TTC7B: variants seen among roughly 807,000 people sequenced by gnomAD.
TTC7B encodes the protein tetratricopeptide repeat protein 7B.
A neutral mutation model predicts 106.8 loss-of-function variants in TTC7B; 28 were observed. The ratio of observed to expected loss-of-function variants is 0.26; its 90% CI spans 0.19 to 0.36. The LOEUF is 0.36. Ranked by LOEUF, TTC7B falls within the 10% of genes least tolerant of loss-of-function variation. The pLI, the probability that TTC7B is intolerant of heterozygous loss-of-function variation, is 1.00. For synonymous variants in TTC7B, 405 were observed against 430.6 expected, an observed-to-expected ratio of 0.94 and a Z score of 0.74; for missense variants, 862 against 1,076.4, an observed-to-expected ratio of 0.80 and a Z score of 2.79.
intron 9 of TTC7B, 162 bp downstream of exon 9, chr14:90,676,361 C>A (rs1159210507): frequency 4.5e-6 from 3 of 672,164 alleles, no homozygotes; most frequent in Non-Finnish European, 7.5e-6. Flanking sequence ...TAGCCCAAGG[C>A]CCATTCTACA....
intron 17 of TTC7B, 52 bp from the exon 18 acceptor site, chr14:90,593,678 C>T (rs772192624): frequency 1.3e-6 from 2 of 1,497,318 alleles, no homozygotes; most frequent in Admixed American, 2.0e-5. Context: ...ACAGACCCAA[C>T]CAATCAACCC....
chr14:90,783,894 G>A (rs184617906), intron 2 of TTC7B, among the ~76,000 whole-genome samples: 75 of 152,198 alleles, frequency 4.9e-4, no homozygotes, highest in African/African-American at 1.7e-3. Context: ...CCAAGATGGT[G>A]TCTGGATGAC....
At chr14:90,642,987 C>T (rs951907164) in intron 15 of TTC7B, among the ~76,000 whole-genome samples, 19 of 152,038 alleles carry the variant, frequency 1.2e-4, no homozygotes, top group African/African-American at 4.1e-4. Flanking sequence ...TCTGCCATAT[C>T]CAAGTATATC....
intron 17 of TTC7B, among the ~76,000 whole-genome samples, chr14:90,605,978 CATGGA>C (rs762934607): frequency 7.9e-5 from 12 of 152,186 alleles, no homozygotes; most frequent in Admixed American, 6.5e-4. Flanking sequence ...GCAACAACAC[CATGGA>C]ATAAAAATAA....
intron 16 of TTC7B, among the ~76,000 whole-genome samples, chr14:90,612,057 G>A (rs1566797996): frequency 6.6e-6 from 1 of 152,190 alleles, no homozygotes; most frequent in Non-Finnish European, 1.5e-5. Flanking sequence ...GATTTGGCAT[G>A]AAACTTAATA....
intron 5 of TTC7B, among the ~76,000 whole-genome samples, chr14:90,720,377 C>T (rs1888846500): frequency 6.6e-6 from 1 of 152,184 alleles, no homozygotes; most frequent in South Asian, 2.1e-4. Context: ...GATCTGATTT[C>T]TCTCTGACAG....
intron 15 of TTC7B, among the ~76,000 whole-genome samples, chr14:90,619,677 C>T (rs1406241838): frequency 6.6e-6 from 1 of 152,176 alleles, no homozygotes; most frequent in Non-Finnish European, 1.5e-5. Context: ...GCTGTCAAGG[C>T]AGGTGGTGTC....
chr14:90,595,758 A>G (rs1260832243), intron 17 of TTC7B, among the ~76,000 whole-genome samples: 1 of 152,224 alleles, frequency 6.6e-6, no homozygotes, highest in Non-Finnish European at 1.5e-5. Flanking sequence ...TACATCCCAG[A>G]CCGACCACAT....
chr14:90,816,152 A>T, intron 1 of TTC7B, 23 bp downstream of exon 1: 1 of 1,194,584 alleles, frequency 8.4e-7, no homozygotes. Flanking sequence ...CCCGCAGCCC[A>T]GGCCGGCGCG....
intron 9 of TTC7B, 71 bp downstream of exon 9, chr14:90,676,452 C>G: frequency 1.3e-6 from 2 of 1,555,914 alleles, no homozygotes; most frequent in Non-Finnish European, 1.7e-6. Context: ...CCAGGTCTCA[C>G]AGCGCTTCCC....
intron 3 of TTC7B, among the ~76,000 whole-genome samples, chr14:90,779,815 T>A (rs1484924766): frequency 6.6e-6 from 1 of 152,234 alleles, no homozygotes. Context: ...GATTGCATTA[T>A]CTCACACTAG....
At chr14:90,662,724 C>T (rs555148191) in intron 9 of TTC7B, among the ~76,000 whole-genome samples, 8 of 152,310 alleles carry the variant, frequency 5.3e-5, no homozygotes, top group East Asian at 1.9e-4. Flanking sequence ...TTAGTTACTA[C>T]ATACAATGCC....
chr14:90,711,085 A>T (rs1044897043), intron 5 of TTC7B, among the ~76,000 whole-genome samples: 2 of 152,218 alleles, frequency 1.3e-5, no homozygotes, highest in African/African-American at 2.4e-5. Context: ...GACCTGCCCA[A>T]TACAAAATTT....
At chr14:90,563,315 C>T (rs572685511) in intron 19 of TTC7B, among the ~76,000 whole-genome samples, 3 of 152,198 alleles carry the variant, frequency 2.0e-5, no homozygotes, top group Non-Finnish European at 4.4e-5. Context: ...ATGTCACAAT[C>T]GAGCAAGTCC....
At chr14:90,788,503 A>G (rs1446934823) in intron 1 of TTC7B, among the ~76,000 whole-genome samples, 3 of 152,224 alleles carry the variant, frequency 2.0e-5, no homozygotes, top group Non-Finnish European at 4.4e-5. Flanking sequence ...ACAATCATAT[A>G]TCCGAAATTG....
chr14:90,555,471 G>A (rs1161776847), intron 19 of TTC7B, among the ~76,000 whole-genome samples: 3 of 152,176 alleles, frequency 2.0e-5, no homozygotes, highest in Non-Finnish European at 4.4e-5. Flanking sequence ...GCCCTATCGC[G>A]TGCACGCTGA....
chr14:90,804,569 C>A (rs72695574), intron 1 of TTC7B, among the ~76,000 whole-genome samples: 1 of 152,090 alleles, frequency 6.6e-6, no homozygotes, highest in Non-Finnish European at 1.5e-5. Context: ...GTTGTGAGTG[C>A]GGTGGAGCAG....
chr14:90,694,784 T>A (rs1331701401), intron 6 of TTC7B, among the ~76,000 whole-genome samples: 1 of 140,352 alleles, frequency 7.1e-6, no homozygotes, highest in Non-Finnish European at 1.5e-5. Context: ...AATATGTATA[T>A]TTTATATACA....
At chr14:90,718,554 T>C (rs1888748808) in intron 5 of TTC7B, among the ~76,000 whole-genome samples, 3 of 152,200 alleles carry the variant, frequency 2.0e-5, no homozygotes, top group Non-Finnish European at 2.9e-5. Flanking sequence ...GTGGTCGTAG[T>C]GTATCTCCCG....
Sources: gnomAD v4.1 joint callset for allele counts (sites outside exome capture counted in the v4.1 genomes callset) on GRCh38, gnomAD v4.1.1 for gene constraint, MANE v1.5 for transcripts, NCBI Gene and HGNC (gene_info 2026-07-23, HGNC 2026-07-21) for gene names.